Variants in MAP7D2 observed in about 807,000 individuals in gnomAD.
The protein encoded by MAP7D2 is MAP7 domain-containing protein 2.
Under a neutral mutation model 63.5 loss-of-function variants are expected in MAP7D2, and 33 were observed. The observed-to-expected ratio is 0.52, with a 90% CI of 0.39 to 0.70. The LOEUF (loss-of-function observed/expected upper bound fraction) is 0.70. Ranked by LOEUF, MAP7D2 falls within the 30% of genes least tolerant of loss-of-function variation. MAP7D2 has a pLI of 0.00. For missense variants in MAP7D2, 626 were observed against 604.0 expected (o/e 1.04, Z -0.38); for synonymous variants, 224 against 223.7 (o/e 1.00, Z -0.01).
At chrX:20,074,961 G>A (rs2065606721) in intron 1 of MAP7D2, among the ~76,000 whole-genome samples, 1 of 111,401 alleles carries the variant, frequency 9.0e-6, no homozygotes, top group South Asian at 3.8e-4. Context: ...GCTGAGGCAG[G>A]AGAATCACTT....
At chrX:20,063,137 C>T (rs2065263179) in intron 3 of MAP7D2, among the ~76,000 whole-genome samples, 2 of 112,117 alleles carry the variant, frequency 1.8e-5, no homozygotes, top group Admixed American at 9.4e-5. Context: ...CCAACCCTCA[C>T]TTCACAGACA....
chrX:20,096,651 T>C (rs768383912), intron 1 of MAP7D2, among the ~76,000 whole-genome samples: 6 of 110,451 alleles, frequency 5.4e-5, no homozygotes, highest in Admixed American at 9.7e-5. Context: ...TTAGTGGGTA[T>C]ATGTTGTATT....
intron 12 of MAP7D2, among the ~76,000 whole-genome samples, chrX:20,014,561 G>C (rs1003670364): frequency 4.5e-5 from 5 of 111,176 alleles, no homozygotes; most frequent in Non-Finnish European, 9.4e-5. Context: ...GAGTGAGACT[G>C]TCTCAAAAAA....
At chrX:20,023,992 G>T (rs2073749314) in intron 10 of MAP7D2, among the ~76,000 whole-genome samples, 1 of 111,873 alleles carries the variant, frequency 8.9e-6, no homozygotes, top group African/African-American at 3.3e-5. Flanking sequence ...TGTAATCAGA[G>T]ACCACAAAGA....
At chrX:20,026,675 G>A (rs762320780) in intron 8 of MAP7D2, among the ~76,000 whole-genome samples, 40 of 111,859 alleles carry the variant, frequency 3.6e-4, no homozygotes, top group African/African-American at 1.3e-3. Context: ...CAAAAGGTGA[G>A]GACAAGCCAC....
intron 1 of MAP7D2, among the ~76,000 whole-genome samples, chrX:20,105,575 A>G (rs1034065129): frequency 3.6e-5 from 4 of 112,102 alleles, no homozygotes; most frequent in African/African-American, 1.3e-4. Context: ...TCCCAGAGTT[A>G]GGGCATCTGT....
At chrX:20,078,728 T>C (rs180963362) in intron 1 of MAP7D2, among the ~76,000 whole-genome samples, 4 of 111,933 alleles carry the variant, frequency 3.6e-5, no homozygotes, top group Admixed American at 2.9e-4. Flanking sequence ...AGTATTATCA[T>C]CATTATTACT....
intron 10 of MAP7D2, among the ~76,000 whole-genome samples, chrX:20,018,031 A>C (rs2073473440): frequency 9.5e-6 from 1 of 105,063 alleles, no homozygotes; most frequent in African/African-American, 3.5e-5. Context: ...CAATGGTGCA[A>C]CCTTGGCTCA....
rs747838052 is a variant in MAP7D2, at chrX:20,016,301, T to G, written c.1437A>C (p.Arg479Ser). ...QDRLEREELK[R>S]KAEEERLRLE... is the part of the protein sequence containing the mutation. ...GGCGAAGCCTTTCCTCCTCTGCCTT[T>G]CTTTTCAATTCCTCTCTCTCCAGCC... Residue 479 changes from arginine to serine, a missense_variant, in exon 11 of 17, where the codon AGA becomes AGC. Physicochemically the swap from Arg to Ser is moderately radical, Grantham distance 110 (BLOSUM62 -1). Coordinates refer to ENST00000379643, the MANE Select transcript of MAP7D2 (RefSeq NM_001168465.2). 8.3e-7 allele frequency: 1 copy of G among 1,210,769 alleles called. No homozygotes were observed.
chrX:20,053,097 C>A, intron 4 of MAP7D2, 109 bp from the exon 5 acceptor site: 1 of 524,438 alleles, frequency 1.9e-6, no homozygotes, highest in Non-Finnish European at 3.3e-6. Flanking sequence ...CTCCTAAATG[C>A]TGTGGCACAG....
chrX:20,036,632 G>A (rs1302360697), intron 8 of MAP7D2, among the ~76,000 whole-genome samples: 27 of 105,617 alleles, frequency 2.6e-4, no homozygotes, highest in Non-Finnish European at 4.5e-4. Context: ...TCGGCCAGGC[G>A]CGGTGGCTCA....
rs779392435 is a variant in MAP7D2 at position 20,044,576 on chromosome X, A to G, written c.719-52T>C. 4.7e-6 allele frequency: 5 copies of G among 1,073,450 alleles called. No individual in the cohort carries two copies. In the African/African-American group the frequency reaches 9.2e-5, roughly 20 times the overall value. 88.5% of individuals were successfully genotyped at this position (1,073,450 alleles called of 1,213,427 possible). On this transcript the variant is annotated intron_variant, in intron 6 of 16. Transcript: ENST00000379643. ...AAGGACAGAGAGTACAGATGGAAAA[A>G]GTAGAGCAGAGAGTTGGGAAGAACA... is the stretch of plus-strand genomic sequence containing the variant.
At chrX:20,115,603 GAAA>G (rs1332077967) in intron 1 of MAP7D2, among the ~76,000 whole-genome samples, 1 of 111,314 alleles carries the variant, frequency 9.0e-6, no homozygotes, top group Non-Finnish European at 1.9e-5. Flanking sequence ...ATAGCATAAT[GAAA>G]AATACAAACT....
Position 20,044,539 on chromosome X carries a change from T to C in MAP7D2, c.719-15A>G, listed in dbSNP as rs1241703106. ...GACATGGAATACTAGAAAGTTACAG[T>C]ATAACAGCCAGAAGGACAGAGAGTA... On this transcript the variant is annotated splice_polypyrimidine_tract_variant and intron_variant, in intron 6 of 16. Coordinates refer to ENST00000379643, the MANE Select transcript of MAP7D2 (RefSeq NM_001168465.2). 2.3e-5 allele frequency: 27 copies of C among 1,197,101 alleles called. No homozygotes were observed. Among genetic ancestry groups the C allele is most frequent in the Non-Finnish European group, 2.9e-5 (26 of 884,013 alleles).
chrX:20,035,769 T>C (rs2074205619), intron 8 of MAP7D2, among the ~76,000 whole-genome samples: 2 of 109,106 alleles, frequency 1.8e-5, no homozygotes, highest in African/African-American at 3.3e-5. Flanking sequence ...AAAAATTAGG[T>C]GGGTGTGGTG....
chrX:20,061,011 G>A (rs1417999677), intron 3 of MAP7D2, among the ~76,000 whole-genome samples: 2 of 107,895 alleles, frequency 1.9e-5, no homozygotes, highest in African/African-American at 6.8e-5. Context: ...GCAGGATTTG[G>A]TGGGCAACAA....
chrX:20,114,272 A>T (rs2066830606), intron 1 of MAP7D2, among the ~76,000 whole-genome samples: 1 of 112,521 alleles, frequency 8.9e-6, no homozygotes, highest in Non-Finnish European at 1.9e-5. Context: ...ACCTCAAGTG[A>T]TCCACCTGCC....
intron 3 of MAP7D2, 103 bp from the exon 4 acceptor site, chrX:20,056,894 C>T (rs2065083865): frequency 4.2e-6 from 3 of 713,338 alleles, no homozygotes; most frequent in Non-Finnish European, 6.3e-6. Flanking sequence ...ATGGGGCTTT[C>T]TGTGCTCAGC....
At position 20,033,688 on chromosome X, in the gene MAP7D2, C is replaced by T. The variant is rs114872090; in HGVS notation, c.1008-7736G>A. The stretch of plus-strand genomic sequence containing the variant: ...AAGGTATCATTAATCACATGACCTG[C>T]CTGGGATTCTGGATGGGTGAGTTCA... On this transcript the variant is annotated intron_variant, in intron 8 of 16. Coordinates refer to ENST00000379643, the MANE Select transcript of MAP7D2 (RefSeq NM_001168465.2). Among the ~76,000 whole-genome samples, 985 of 111,751 alleles carry T rather than the reference C, an allele frequency of 8.8e-3. 11 individuals are homozygous for T. Among genetic ancestry groups the T allele is most frequent in the African/African-American group, 0.031 (943 of 30,737 alleles).
Sources: allele counts gnomAD v4.1 joint callset (sites outside exome capture counted in the v4.1 genomes callset), GRCh38; gene constraint gnomAD v4.1.1; transcripts MANE v1.5; gene names NCBI Gene and HGNC (gene_info 2026-07-23, HGNC 2026-07-21).